TFAP2D: variants seen among roughly 807,000 people sequenced by gnomAD.
TFAP2D encodes transcription factor AP-2-delta.
TFAP2D carries 9 observed loss-of-function variants against 43.6 expected under a neutral mutation model. The observed-to-expected ratio is 0.21, with a 90% confidence interval of 0.12 to 0.36. The LOEUF (loss-of-function observed/expected upper bound fraction) is 0.36, where lower values mean the gene tolerates loss of function less well. TFAP2D is among the 10% of genes least tolerant of loss of function. The pLI is 1.00. For synonymous variants in TFAP2D, 256 were observed against 224.9 expected, an observed-to-expected ratio of 1.14 and a Z score of -1.24; for missense variants, 513 against 561.4, an observed-to-expected ratio of 0.91 and a Z score of 0.87.
At chr6:50,761,869 A>C (rs1199312205) in intron 7 of TFAP2D, among the ~76,000 whole-genome samples, 1 of 152,070 alleles carries the variant, frequency 6.6e-6, no homozygotes, top group Non-Finnish European at 1.5e-5. Flanking sequence ...GTAAGAACTG[A>C]AGCTTTGGAG....
intron 3 of TFAP2D, among the ~76,000 whole-genome samples, chr6:50,719,946 T>A (rs567663969): frequency 6.6e-4 from 101 of 152,330 alleles, no homozygotes; most frequent in Non-Finnish European, 9.1e-4. Context: ...GGTTTTGAAC[T>A]ATGACATTCT....
intron 6 of TFAP2D, among the ~76,000 whole-genome samples, chr6:50,746,362 C>T (rs909343874): frequency 3.9e-5 from 6 of 151,904 alleles, no homozygotes; most frequent in Non-Finnish European, 7.4e-5. Flanking sequence ...CTCAGCCTCC[C>T]GAGTAGCTGA....
intron 7 of TFAP2D, among the ~76,000 whole-genome samples, chr6:50,770,269 T>C (rs1769505412): frequency 6.6e-6 from 1 of 152,182 alleles, no homozygotes. Context: ...GCTTAAATTA[T>C]TTTTCCTGTT....
intron 7 of TFAP2D, among the ~76,000 whole-genome samples, chr6:50,759,038 A>T (rs991795915): frequency 6.6e-6 from 1 of 152,058 alleles, no homozygotes; most frequent in Non-Finnish European, 1.5e-5. Flanking sequence ...GATTTAGCAC[A>T]TAAGAGACTA....
At chr6:50,767,071 AAC>A (rs1211433266) in intron 7 of TFAP2D, among the ~76,000 whole-genome samples, 1 of 152,188 alleles carries the variant, frequency 6.6e-6, no homozygotes, top group East Asian at 1.9e-4. Context: ...CATTTATTAT[AAC>A]AGTTTTTCAC....
intron 3 of TFAP2D, among the ~76,000 whole-genome samples, chr6:50,720,171 A>G (rs1768695716): frequency 6.6e-6 from 1 of 152,204 alleles, no homozygotes; most frequent in Non-Finnish European, 1.5e-5. Flanking sequence ...CAGTAACAGA[A>G]CACTAAAAAC....
At chr6:50,765,785 T>C (rs769304569) in intron 7 of TFAP2D, among the ~76,000 whole-genome samples, 4 of 152,114 alleles carry the variant, frequency 2.6e-5, no homozygotes, top group African/African-American at 4.8e-5. Context: ...AAATGTATGG[T>C]TTGCTAATAT....
chr6:50,758,755 C>T (rs1043508511), intron 7 of TFAP2D, among the ~76,000 whole-genome samples: 20 of 151,994 alleles, frequency 1.3e-4, no homozygotes, highest in Non-Finnish European at 2.5e-4. Context: ...TCATCAACGG[C>T]GGGCAGTTTT....
At chr6:50,731,583 T>C (rs537154048) in intron 5 of TFAP2D, among the ~76,000 whole-genome samples, 1 of 152,124 alleles carries the variant, frequency 6.6e-6, no homozygotes, top group African/African-American at 2.4e-5. Flanking sequence ...CACAACTCAC[T>C]GTCGAGTCAT....
intron 7 of TFAP2D, among the ~76,000 whole-genome samples, chr6:50,772,070 T>G (rs1581782438): frequency 6.6e-6 from 1 of 152,192 alleles, no homozygotes; most frequent in Non-Finnish European, 1.5e-5. Flanking sequence ...CCATAAAAAA[T>G]GATGAGTTCA....
intron 7 of TFAP2D, among the ~76,000 whole-genome samples, chr6:50,753,427 G>C (rs924906668): frequency 6.6e-6 from 1 of 151,918 alleles, no homozygotes; most frequent in Admixed American, 6.6e-5. Flanking sequence ...ACATTAGTCA[G>C]TTGCCAACTT....
chr6:50,759,652 C>T (rs1337950358), intron 7 of TFAP2D, among the ~76,000 whole-genome samples: 1 of 151,910 alleles, frequency 6.6e-6, no homozygotes, highest in African/African-American at 2.4e-5. Flanking sequence ...TAAAAATCTC[C>T]ATTCTCATAT....
In TFAP2D at chr6:50,716,564, T is replaced by C. The variant is rs190632872; in HGVS notation, c.537+951T>C. ...CAGATGATCTCTCTTCTACTTTATT[T>C]CTTAACACGTGTTTGCACATTCTTT... On this transcript the variant is annotated intron_variant, in intron 2 of 7. Transcript: ENST00000008391. Among the ~76,000 whole-genome samples, 50 of 152,312 alleles carry C rather than the reference T, an allele frequency of 3.3e-4. 1 individual carries two copies. In the South Asian group the frequency reaches 4.1e-3, roughly 13 times the overall value.
At chr6:50,739,692 C>G (rs887914159) in intron 5 of TFAP2D, among the ~76,000 whole-genome samples, 2 of 152,130 alleles carry the variant, frequency 1.3e-5, no homozygotes, top group African/African-American at 4.8e-5. Context: ...CTCTTTTGCT[C>G]TAGTTCTTCC....
chr6:50,736,713 T>TATATATA (rs1561935336), intron 5 of TFAP2D, among the ~76,000 whole-genome samples: 2 of 152,112 alleles, frequency 1.3e-5, no homozygotes, highest in Non-Finnish European at 2.9e-5. Flanking sequence ...TACGTCACTG[T>TATATATA]GTTTGACTAT....
chr6:50,762,082 A>C (rs146623236), intron 7 of TFAP2D, among the ~76,000 whole-genome samples: 1 of 152,020 alleles, frequency 6.6e-6, no homozygotes, highest in Non-Finnish European at 1.5e-5. Flanking sequence ...TATTAGTAAA[A>C]CCACACAGGG....
chr6:50,737,239 A>G (rs758933733), intron 5 of TFAP2D, among the ~76,000 whole-genome samples: 9 of 152,116 alleles, frequency 5.9e-5, no homozygotes, highest in Non-Finnish European at 5.9e-5. Flanking sequence ...CCCAAAGGCT[A>G]GATTATAGGA....
intron 5 of TFAP2D, among the ~76,000 whole-genome samples, chr6:50,742,433 T>C (rs1370874870): frequency 6.6e-6 from 1 of 152,050 alleles, no homozygotes; most frequent in Non-Finnish European, 1.5e-5. Flanking sequence ...AGGAATCAGG[T>C]TTTAGCACAA....
At chr6:50,737,013 C>T (rs1270471300) in intron 5 of TFAP2D, among the ~76,000 whole-genome samples, 8 of 151,982 alleles carry the variant, frequency 5.3e-5, no homozygotes, top group African/African-American at 1.9e-4. Context: ...GTCTTAAGAG[C>T]TCCGTTGTCC....
Sources: allele counts gnomAD v4.1 joint callset (sites outside exome capture counted in the v4.1 genomes callset), GRCh38; gene constraint gnomAD v4.1.1; transcripts MANE v1.5; gene names NCBI Gene and HGNC (gene_info 2026-07-23, HGNC 2026-07-21).